Variants in WASF2 observed in about 807,000 individuals in gnomAD.
The protein encoded by WASF2 is actin-binding protein WASF2.
In WASF2, 14 loss-of-function variants were observed where a neutral mutation model predicts 45.0. The observed-to-expected ratio is 0.31, with a 90% CI of 0.21 to 0.49. The LOEUF (loss-of-function observed/expected upper bound fraction) is 0.49. Ranked by LOEUF, WASF2 falls within the 20% of genes least tolerant of loss-of-function variation. The pLI is 0.99. For missense variants in WASF2, 439 were observed against 636.1 expected (o/e 0.69, Z 3.33); for synonymous variants, 200 against 236.3 (o/e 0.85, Z 1.41).
At chr1:27,441,993 C>T (rs1441177342) in intron 1 of WASF2, among the ~76,000 whole-genome samples, 1 of 150,856 alleles carries the variant, frequency 6.6e-6, no homozygotes, top group African/African-American at 2.4e-5. Flanking sequence ...GTAGTCCCAG[C>T]TACTCAGGAG....
chr1:27,428,517 T>G (rs1285761923), intron 2 of WASF2, among the ~76,000 whole-genome samples: 1 of 152,096 alleles, frequency 6.6e-6, no homozygotes, highest in Non-Finnish European at 1.5e-5. Context: ...CCCACAGATT[T>G]CTGTTGAAGC....
chr1:27,457,924 A>C (rs1389005162), intron 1 of WASF2, among the ~76,000 whole-genome samples: 1 of 152,102 alleles, frequency 6.6e-6, no homozygotes, highest in Non-Finnish European at 1.5e-5. Flanking sequence ...CACCCAGCCT[A>C]ATATTTCAAT....
chr1:27,487,317 T>G (rs890274739), intron 1 of WASF2, among the ~76,000 whole-genome samples: 2 of 143,602 alleles, frequency 1.4e-5, no homozygotes, highest in South Asian at 2.1e-4. Flanking sequence ...GCCAGGATGG[T>G]CTCGATCTCC....
At chr1:27,458,091 C>T (rs1187949026) in intron 1 of WASF2, among the ~76,000 whole-genome samples, 1 of 151,842 alleles carries the variant, frequency 6.6e-6, no homozygotes, top group Non-Finnish European at 1.5e-5. Flanking sequence ...AGGCGGATTG[C>T]CTGAGCTCAG....
intron 1 of WASF2, among the ~76,000 whole-genome samples, chr1:27,436,206 G>A (rs940195902): frequency 5.0e-4 from 76 of 152,174 alleles, no homozygotes; most frequent in African/African-American, 1.8e-3. Flanking sequence ...AATACTTTGG[G>A]AGGCAGCAGC....
At chr1:27,452,367 G>C (rs1458457622) in intron 1 of WASF2, among the ~76,000 whole-genome samples, 1 of 151,406 alleles carries the variant, frequency 6.6e-6, no homozygotes, top group East Asian at 2.0e-4. Context: ...ACAAAAATTA[G>C]CTGGGCGTGG....
At position 27,405,708 on chromosome 1, in the gene WASF2, G is replaced by C. The variant is rs954326909; in HGVS notation, c.*2481C>G. On this transcript the variant is annotated 3_prime_UTR_variant, in exon 9 of 9. Coordinates refer to ENST00000618852, the MANE Select transcript of WASF2 (RefSeq NM_006990.5). ...CGGCCCCCCGAGCTGAGGAGGCTTCGCAAGGCCGGCTGCTACAAAGTGCCG... is the reference window on the plus strand; with the variant it reads ...CGGCCCCCCGAGCTGAGGAGGCTTCCCAAGGCCGGCTGCTACAAAGTGCCG... 1.3e-5 allele frequency: 2 copies of C among 148,934 alleles called. No homozygotes were observed. Among genetic ancestry groups the C allele is most frequent in the Non-Finnish European group, 3.0e-5 (2 of 67,572 alleles). The allele number at this position is 148,934 out of a possible 1,614,324, so 9.2% of individuals were successfully genotyped here.
At chr1:27,467,653 G>T (rs985065338) in intron 1 of WASF2, among the ~76,000 whole-genome samples, 1 of 150,586 alleles carries the variant, frequency 6.6e-6, no homozygotes, top group East Asian at 2.0e-4. Context: ...TGGCTCACAC[G>T]TGTAATCCCA....
Position 27,490,166 on chromosome 1 carries a change from G to C in WASF2, c.-224C>G, listed in dbSNP as rs1348968438. 6.6e-6 allele frequency: 1 copy of C among 152,404 alleles called. No individual in the cohort carries two copies. The highest frequency in any genetic ancestry group is 1.5e-5 in the Non-Finnish European group (1 of 68,156). The allele number at this position is 152,404 out of a possible 1,614,324, so 9.4% of individuals were successfully genotyped here. ...GCCATTACGCGATTCCCCGCCCTGG[G>C]CGGCAGCCACACCCCGCCAATGGCC... On this transcript the variant is annotated 5_prime_UTR_variant, in exon 1 of 9. Transcript: ENST00000618852.
intron 1 of WASF2, among the ~76,000 whole-genome samples, chr1:27,457,786 A>C (rs1000918300): frequency 2.8e-4 from 43 of 151,884 alleles, no homozygotes; most frequent in African/African-American, 1.0e-3. Flanking sequence ...TCTCCTGGCT[A>C]ATTTTTAAAA....
At chr1:27,477,981 G>A (rs1049739419) in intron 1 of WASF2, among the ~76,000 whole-genome samples, 3 of 151,566 alleles carry the variant, frequency 2.0e-5, no homozygotes, top group African/African-American at 2.4e-5. Context: ...GCCGGGTGTA[G>A]TGGCTCATGC....
intron 7 of WASF2, among the ~76,000 whole-genome samples, 162 bp downstream of exon 7, chr1:27,412,410 G>A (rs777023098): frequency 1.3e-5 from 2 of 152,116 alleles, no homozygotes; most frequent in African/African-American, 2.4e-5. Flanking sequence ...GTCTTGCTAT[G>A]TTACCCAGAC....
chr1:27,478,732 G>A (rs1218674973), intron 1 of WASF2, among the ~76,000 whole-genome samples: 3 of 151,936 alleles, frequency 2.0e-5, no homozygotes, highest in Non-Finnish European at 4.4e-5. Context: ...ACAGGCATCC[G>A]TCACCACACC....
At chr1:27,434,846 G>A (rs2017110235) in intron 1 of WASF2, among the ~76,000 whole-genome samples, 1 of 152,196 alleles carries the variant, frequency 6.6e-6, no homozygotes, top group Non-Finnish European at 1.5e-5. Flanking sequence ...TGGACTGTTA[G>A]TGCCATGATG....
intron 1 of WASF2, among the ~76,000 whole-genome samples, chr1:27,445,568 A>G (rs1189481092): frequency 6.6e-6 from 1 of 152,224 alleles, no homozygotes; most frequent in Non-Finnish European, 1.5e-5. Flanking sequence ...GTTAATGAGT[A>G]TAACATACTG....
intron 1 of WASF2, among the ~76,000 whole-genome samples, chr1:27,441,546 G>A (rs2017229246): frequency 6.6e-6 from 1 of 151,964 alleles, no homozygotes; most frequent in Admixed American, 6.6e-5. Context: ...AAGGTCAGGA[G>A]ATCGAGACCA....
rs965877549 is a variant in WASF2, at chr1:27,477,626, G to A, written c.-44+12360C>T. ...TTAAAAATAAATAAATCGGCCGGGC[G>A]CGGTGGCTCACGCCTGTAATCCCAG... On this transcript the variant is annotated intron_variant, in intron 1 of 8. Transcript: ENST00000618852. Among the ~76,000 whole-genome samples the A allele has an allele frequency of 4.8e-5, 5 of 104,672 alleles. 1 individual carries two copies. Among genetic ancestry groups the A allele is most frequent in the African/African-American group, 1.6e-4 (3 of 18,272 alleles). 68.7% of individuals were successfully genotyped at this position (104,672 alleles called of 152,430 possible). A position where few individuals can be genotyped will look rare whatever the true frequency, so the allele number is the denominator to read the frequency against.
At chr1:27,419,146 A>T in intron 2 of WASF2, 58 bp from the exon 3 acceptor site, 2 of 1,593,606 alleles carry the variant, frequency 1.3e-6, no homozygotes, top group Non-Finnish European at 8.6e-7. Flanking sequence ...AATGGTCACA[A>T]AAACTGGCTA....
Position 27,406,468 on chromosome 1 carries a change from G to A in WASF2, c.*1721C>T, listed in dbSNP as rs1234770253. ...CCATGACTATACACTCTCTCCTCAA[G>A]CCGGAGGGCTTTATGAGGGCTTTGG... On this transcript the variant is annotated 3_prime_UTR_variant, in exon 9 of 9. Coordinates refer to ENST00000618852, the MANE Select transcript of WASF2 (RefSeq NM_006990.5). 1 of 152,696 alleles carries A rather than the reference G, an allele frequency of 6.5e-6. No individual in the cohort carries two copies. Among genetic ancestry groups the A allele is most frequent in the Non-Finnish European group, 1.5e-5 (1 of 68,086 alleles). 9.5% of individuals were successfully genotyped at this position (152,696 alleles called of 1,614,324 possible). A position where few individuals can be genotyped will look rare whatever the true frequency, so the allele number is the denominator to read the frequency against.
Sources: gnomAD v4.1 joint callset for allele counts (sites outside exome capture counted in the v4.1 genomes callset) on GRCh38, gnomAD v4.1.1 for gene constraint, MANE v1.5 for transcripts, NCBI Gene and HGNC (gene_info 2026-07-23, HGNC 2026-07-21) for gene names.